Variants in TET2 observed in about 807,000 individuals in gnomAD.
TET2 encodes the protein methylcytosine dioxygenase TET2.
TET2 carries 299 observed loss-of-function variants against 142.9 expected under a neutral mutation model. That is an observed-to-expected ratio of 2.09 (90% CI 1.90 to 2.30). TET2 has a LOEUF of 2.30. TET2 is among the 30% of genes most tolerant of loss of function. The pLI, the probability that TET2 is intolerant of heterozygous loss-of-function variation, is 0.00. For missense variants in TET2, 2,418 were observed against 2,378.0 expected, an observed-to-expected ratio of 1.02 and a Z score of -0.35; for synonymous variants, 819 against 849.0, an observed-to-expected ratio of 0.96 and a Z score of 0.61.
Position 105,236,418 on chromosome 4 carries a change from A to C in TET2, c.2476A>C (p.Ser826Arg). The change falls in exon 3 of 11, where the codon AGT becomes CGT. Residue 826 changes from serine (S) to arginine (R), a missense_variant. By Grantham distance (110) the Ser-to-Arg change is moderately radical (BLOSUM62 -1). Transcript: ENST00000380013. ...CCCTTATAGTCAGACCATGAAATCA[A>C]GTGCATGCAAAATACAGGTTTCTTG... ...NSPYSQTMKS[S>R]ACKIQVSCSN... 1 of 1,614,112 alleles carries C rather than the reference A, an allele frequency of 6.2e-7. No individual in the cohort carries two copies. Among genetic ancestry groups the C allele is most frequent in the Non-Finnish European group, 8.5e-7 (1 of 1,180,012 alleles).
chr4:105,190,335 A>T (rs1251443972), intron 1 of TET2, 25 bp from the exon 2 acceptor site: 1 of 627,424 alleles, frequency 1.6e-6, no homozygotes, highest in East Asian at 2.7e-5. Flanking sequence ...CTAACTTAAA[A>T]ATGTTCAAAC....
At chr4:105,190,956 G>A (rs1725749714) in intron 2 of TET2, among the ~76,000 whole-genome samples, 1 of 152,164 alleles carries the variant, frequency 6.6e-6, no homozygotes, top group Admixed American at 6.5e-5. Flanking sequence ...CCTGCACCTG[G>A]CTAGTCAGTC....
intron 7 of TET2, among the ~76,000 whole-genome samples, chr4:105,260,081 G>T (rs1730347394): frequency 6.6e-6 from 1 of 152,224 alleles, no homozygotes; most frequent in East Asian, 1.9e-4. Flanking sequence ...AATTATGGAA[G>T]TTACATAAGT....
At chr4:105,148,970 C>A (rs371839860) in intron 1 of TET2, among the ~76,000 whole-genome samples, 85 of 152,128 alleles carry the variant, frequency 5.6e-4, no homozygotes, top group African/African-American at 2.0e-3. Flanking sequence ...ACGTGGGGTT[C>A]TTTCACATGA....
intron 2 of TET2, among the ~76,000 whole-genome samples, chr4:105,221,278 C>G (rs1482046801): frequency 6.6e-6 from 1 of 152,054 alleles, no homozygotes; most frequent in East Asian, 1.9e-4. Context: ...AAAGATCATG[C>G]TCATTTTACC....
chr4:105,233,860 A>G (rs1356830665), intron 2 of TET2, 37 bp from the exon 3 acceptor site: 1 of 1,108,488 alleles, frequency 9.0e-7, no homozygotes, highest in East Asian at 2.5e-5. Flanking sequence ...ATAGATAGAA[A>G]TAAACACATT....
intron 6 of TET2, among the ~76,000 whole-genome samples, chr4:105,246,314 A>G (rs1729580897): frequency 6.6e-6 from 1 of 152,242 alleles, no homozygotes; most frequent in Non-Finnish European, 1.5e-5. Context: ...TTTGCATTTG[A>G]AAACCATGAA....
chr4:105,251,593 C>T (rs1729872920), intron 6 of TET2, among the ~76,000 whole-genome samples: 1 of 151,158 alleles, frequency 6.6e-6, no homozygotes. Context: ...CACTTGGCCT[C>T]AGTGTGTATT....
At chr4:105,266,043 T>C (rs908347957) in intron 8 of TET2, among the ~76,000 whole-genome samples, 2 of 152,038 alleles carry the variant, frequency 1.3e-5, no homozygotes, top group African/African-American at 4.8e-5. Context: ...CTGCAGAGGG[T>C]TCTGATCCAG....
intron 6 of TET2, among the ~76,000 whole-genome samples, chr4:105,250,053 A>T (rs1275174978): frequency 6.6e-6 from 1 of 152,168 alleles, no homozygotes; most frequent in Non-Finnish European, 1.5e-5. Context: ...TTAGATTTTT[A>T]ATTAATGTTG....
chr4:105,242,603 T>A, intron 4 of TET2: 1 of 1,243,140 alleles, frequency 8.0e-7, no homozygotes, highest in Non-Finnish European at 1.0e-6. Context: ...CACATGTAAT[T>A]TACAAAATAG....
chr4:105,248,718 A>G (rs1729707670), intron 6 of TET2, among the ~76,000 whole-genome samples: 1 of 152,206 alleles, frequency 6.6e-6, no homozygotes, highest in African/African-American at 2.4e-5. Flanking sequence ...CAGTACATTC[A>G]CAAAGCTATG....
At chr4:105,247,656 A>G (rs1279734637) in intron 6 of TET2, among the ~76,000 whole-genome samples, 1 of 137,750 alleles carries the variant, frequency 7.3e-6, no homozygotes, top group Admixed American at 7.1e-5. Flanking sequence ...ACTTTAACCT[A>G]TTCCTCTATC....
At chr4:105,149,214 A>G (rs1187257476) in intron 1 of TET2, among the ~76,000 whole-genome samples, 1 of 152,182 alleles carries the variant, frequency 6.6e-6, no homozygotes, top group Non-Finnish European at 1.5e-5. Flanking sequence ...TGTGGTATAT[A>G]CTGTCTTCAG....
intron 2 of TET2, among the ~76,000 whole-genome samples, chr4:105,201,046 T>C (rs115929724): frequency 0.024 from 3,618 of 152,296 alleles, 155 homozygotes; most frequent in African/African-American, 0.083. Flanking sequence ...TTTAAATTTA[T>C]GTTCTTGAGA....
chr4:105,247,693 TTGAC>T (rs1729646748), intron 6 of TET2, among the ~76,000 whole-genome samples: 2 of 151,632 alleles, frequency 1.3e-5, no homozygotes, highest in African/African-American at 2.4e-5. Flanking sequence ...GACTGGTAGT[TTGAC>T]TGGTTCTTTT....
intron 1 of TET2, among the ~76,000 whole-genome samples, chr4:105,150,838 G>A (rs1723261257): frequency 1.3e-5 from 2 of 152,198 alleles, no homozygotes; most frequent in African/African-American, 4.8e-5. Flanking sequence ...AGGAGAGAAG[G>A]GTTCCAGGAG....
At chr4:105,263,566 G>A (rs1022432848) in intron 8 of TET2, among the ~76,000 whole-genome samples, 2 of 152,298 alleles carry the variant, frequency 1.3e-5, no homozygotes, top group Non-Finnish European at 2.9e-5. Context: ...GTAAGAAATA[G>A]TAAGTTTTGG....
In TET2 at chr4:105,235,970, G is replaced by A. The variant is rs573047340; in HGVS notation, c.2028G>A (p.Leu676=). ...DHLPKAHVQS[L]CGTRFHFQQR... is the part of the protein sequence containing the mutation. ...TACCAAAAGCTCATGTGCAGTCACT[G>A]TGTGGCACTAGATTTCATTTTCAAC... Residue 676 remains leucine, a synonymous_variant, in exon 3 of 11, where the codon CTG becomes CTA. Coordinates refer to ENST00000380013, the MANE Select transcript of TET2 (RefSeq NM_001127208.3). 6.2e-7 allele frequency: 1 copy of A among 1,614,182 alleles called. No homozygotes were observed. Among genetic ancestry groups the A allele is most frequent in the Non-Finnish European group, 8.5e-7 (1 of 1,180,020 alleles).
Sources: gnomAD v4.1 joint callset for allele counts (sites outside exome capture counted in the v4.1 genomes callset) on GRCh38, gnomAD v4.1.1 for gene constraint, MANE v1.5 for transcripts, NCBI Gene and HGNC (gene_info 2026-07-23, HGNC 2026-07-21) for gene names.